The following PARP8 variants were observed in gnomAD, a reference collection of about 807,000 sequenced individuals.
The protein encoded by PARP8 is protein mono-ADP-ribosyltransferase PARP8.
Under a neutral mutation model 124.1 loss-of-function variants are expected in PARP8, and 51 were observed. The ratio of observed to expected loss-of-function variants is 0.41; its 90% confidence interval spans 0.33 to 0.52. PARP8 has a LOEUF of 0.52. Among genes scored for constraint, PARP8 ranks in the 20% least tolerant of loss-of-function variants. PARP8 has a pLI of 0.21. For synonymous variants in PARP8, 391 were observed against 361.5 expected (o/e 1.08, Z -0.93); for missense variants, 860 against 1,018.9 (o/e 0.84, Z 2.12).
intron 10 of PARP8, among the ~76,000 whole-genome samples, chr5:50,793,613 G>T (rs1442107244): frequency 6.6e-6 from 1 of 152,212 alleles, no homozygotes; most frequent in Non-Finnish European, 1.5e-5. Context: ...CTTCAAAGGT[G>T]AATAGGCTGT....
At chr5:50,722,578 T>G (rs1448992321) in intron 2 of PARP8, among the ~76,000 whole-genome samples, 1 of 152,208 alleles carries the variant, frequency 6.6e-6, no homozygotes, top group East Asian at 1.9e-4. Context: ...TTTATTATAG[T>G]ATTACCTAAT....
In PARP8 at chr5:50,799,755, T is replaced by C. The variant is rs994701014; in HGVS notation, c.1575+2522T>C. 3.9e-5 allele frequency among the ~76,000 whole-genome samples: 6 copies of C among 152,290 alleles called. No individual in the cohort carries two copies. In the South Asian group the frequency reaches 6.2e-4, roughly 16 times the overall value. On this transcript the variant is annotated intron_variant, in intron 14 of 25. Transcript: ENST00000281631. ...GGAGATGGGTTGTTTGGAAGGCGAT[T>C]AGGTCATGAGGGTGGTGCCCTCATG...
intron 15 of PARP8, among the ~76,000 whole-genome samples, chr5:50,816,014 G>A (rs1390397122): frequency 6.6e-6 from 1 of 150,516 alleles, no homozygotes. Context: ...CTCTTAACCT[G>A]ACTAAACTAC....
intron 2 of PARP8, among the ~76,000 whole-genome samples, chr5:50,700,017 C>T (rs1438105880): frequency 6.6e-6 from 1 of 152,088 alleles, no homozygotes; most frequent in Non-Finnish European, 1.5e-5. Flanking sequence ...GTGAAGTAAA[C>T]TAGACTAAAT....
intron 14 of PARP8, among the ~76,000 whole-genome samples, chr5:50,807,419 A>G (rs1297234556): frequency 1.3e-5 from 2 of 152,112 alleles, no homozygotes; most frequent in Non-Finnish European, 2.9e-5. Context: ...TAAAAGTGTC[A>G]TTTATACTCT....
chr5:50,682,032 G>T (rs943875957), intron 2 of PARP8, among the ~76,000 whole-genome samples: 1 of 152,148 alleles, frequency 6.6e-6, no homozygotes, highest in Admixed American at 6.5e-5. Flanking sequence ...TTTCTTATGT[G>T]CTTAATGTGT....
intron 2 of PARP8, among the ~76,000 whole-genome samples, chr5:50,729,492 G>A (rs1437222969): frequency 6.6e-6 from 1 of 152,152 alleles, no homozygotes. Flanking sequence ...GTGTAACTAG[G>A]ACAAATTGAT....
chr5:50,703,762 T>C (rs1362335293), intron 2 of PARP8, among the ~76,000 whole-genome samples: 2 of 152,046 alleles, frequency 1.3e-5, no homozygotes, highest in African/African-American at 4.8e-5. Context: ...AATTTAAAAG[T>C]TAGCCAGGTG....
intron 7 of PARP8, among the ~76,000 whole-genome samples, chr5:50,768,007 A>T (rs190622875): frequency 1.3e-5 from 2 of 150,042 alleles, no homozygotes; most frequent in Admixed American, 1.3e-4. Context: ...GTGTATATAC[A>T]TATATGTGTG....
chr5:50,694,148 T>TTA (rs1561254015), intron 2 of PARP8, among the ~76,000 whole-genome samples: 2 of 152,202 alleles, frequency 1.3e-5, no homozygotes, highest in Admixed American at 6.5e-5. Flanking sequence ...ATCCTTGTAC[T>TTA]TATATATTTT....
At chr5:50,733,792 A>G (rs144805465) in intron 2 of PARP8, among the ~76,000 whole-genome samples, 291 of 152,080 alleles carry the variant, frequency 1.9e-3, no homozygotes, top group Non-Finnish European at 3.1e-3. Context: ...TATTATGATT[A>G]TTTCCTTCTT....
chr5:50,775,112 G>A (rs1259288066), intron 7 of PARP8, among the ~76,000 whole-genome samples: 5 of 150,956 alleles, frequency 3.3e-5, no homozygotes, highest in Admixed American at 6.6e-5. Context: ...CATCCCAGAC[G>A]ATGGGCGGCC....
At chr5:50,684,853 G>A (rs1180699373) in intron 2 of PARP8, among the ~76,000 whole-genome samples, 1 of 152,126 alleles carries the variant, frequency 6.6e-6, no homozygotes, top group East Asian at 1.9e-4. Flanking sequence ...AGGGATTACG[G>A]TGTATTTGTA....
At chr5:50,677,829 C>T (rs550921571) in intron 2 of PARP8, among the ~76,000 whole-genome samples, 18 of 151,944 alleles carry the variant, frequency 1.2e-4, no homozygotes, top group Admixed American at 6.6e-5. Flanking sequence ...ACATTGCCAG[C>T]CTCTGGGTTG....
Position 50,794,193 on chromosome 5 carries a change from C to T in PARP8, c.738-14C>T. 6.2e-7 allele frequency: 1 copy of T among 1,605,216 alleles called. No individual in the cohort carries two copies. Among genetic ancestry groups the T allele is most frequent in the Admixed American group, 1.7e-5 (1 of 59,388 alleles). Reference sequence around the variant, plus strand: ...CTTGGAATGGTGATAACAGAATTACCTTTGGATTGACAGAATCATGCAGAC... The same window carrying T: ...CTTGGAATGGTGATAACAGAATTACTTTTGGATTGACAGAATCATGCAGAC... On this transcript the variant is annotated splice_polypyrimidine_tract_variant and intron_variant, in intron 10 of 25. Transcript: ENST00000281631.
chr5:50,769,217 C>G (rs1037891085), intron 7 of PARP8, among the ~76,000 whole-genome samples: 15 of 151,340 alleles, frequency 9.9e-5, no homozygotes, highest in Admixed American at 3.3e-4. Flanking sequence ...ATGGTAAATT[C>G]TGTTGAAGTA....
intron 1 of PARP8, 107 bp downstream of exon 1, chr5:50,667,293 T>G (rs1196978879): frequency 8.3e-7 from 1 of 1,198,094 alleles, no homozygotes; most frequent in Non-Finnish European, 1.2e-6. Flanking sequence ...GTCCCCATTC[T>G]GGGGTTCATT....
intron 14 of PARP8, among the ~76,000 whole-genome samples, chr5:50,809,100 A>G (rs1744164793): frequency 6.6e-6 from 1 of 152,018 alleles, no homozygotes; most frequent in Non-Finnish European, 1.5e-5. Context: ...ACAAATAGAG[A>G]CTACTGCATG....
intron 3 of PARP8, among the ~76,000 whole-genome samples, chr5:50,756,806 A>G (rs1760010692): frequency 6.6e-6 from 1 of 152,064 alleles, no homozygotes; most frequent in Non-Finnish European, 1.5e-5. Context: ...GAAAGTTTGT[A>G]CCCTTTAGCT....
Sources: gnomAD v4.1 joint callset for allele counts (sites outside exome capture counted in the v4.1 genomes callset) on GRCh38, gnomAD v4.1.1 for gene constraint, MANE v1.5 for transcripts, NCBI Gene and HGNC (gene_info 2026-07-23, HGNC 2026-07-21) for gene names.